VPS45: variants seen among roughly 807,000 people sequenced by gnomAD.
The protein encoded by VPS45 is vacuolar protein sorting-associated protein 45.
In VPS45, 35 loss-of-function variants were observed where a neutral mutation model predicts 75.9. That is an observed-to-expected ratio of 0.46 (90% CI 0.35 to 0.61). The LOEUF (loss-of-function observed/expected upper bound fraction) is 0.61, where lower values mean the gene tolerates loss of function less well. Among genes scored for constraint, VPS45 ranks in the 20% least tolerant of loss-of-function variants. The probability of loss-of-function intolerance (pLI) is 0.00; values close to 1 mark genes in which losing one functional copy is unlikely to be tolerated. For missense variants in VPS45, 559 were observed against 685.9 expected, an observed-to-expected ratio of 0.81 and a Z score of 2.07; for synonymous variants, 220 against 238.2, an observed-to-expected ratio of 0.92 and a Z score of 0.70.
Position 150,126,982 on chromosome 1 carries a change from C to T in VPS45, c.1625+16355C>T, listed in dbSNP as rs151219777. ...AATTCAATGTTATTTAATGCCATGC[C>T]CCAGAACCACCTGATGTCAACTGAT... On this transcript the variant is annotated intron_variant, in intron 14 of 14. Coordinates refer to ENST00000644510, the MANE Select transcript of VPS45 (RefSeq NM_007259.5). 2.7e-3 allele frequency among the ~76,000 whole-genome samples: 415 copies of T among 152,122 alleles called. 1 individual carries two copies. The highest frequency in any genetic ancestry group is 0.027 in the Middle Eastern group (8 of 294).
chr1:150,107,679 C>G (rs940951325), intron 13 of VPS45, among the ~76,000 whole-genome samples: 1 of 152,174 alleles, frequency 6.6e-6, no homozygotes, highest in East Asian at 1.9e-4. Flanking sequence ...TGGCAGATCA[C>G]CTGAGGTCAG....
chr1:150,130,487 A>G (rs1553812116), intron 14 of VPS45, among the ~76,000 whole-genome samples: 1 of 152,114 alleles, frequency 6.6e-6, no homozygotes, highest in African/African-American at 2.4e-5. Flanking sequence ...CCACCACACC[A>G]GGCCTAGCCC....
At chr1:150,109,416 T>A (rs2101606467) in intron 13 of VPS45, 1 of 152,166 alleles carries the variant, frequency 6.6e-6, no homozygotes, top group African/African-American at 2.4e-5. Flanking sequence ...TTCAGTGAAG[T>A]CCCACAAGAA....
chr1:150,070,516 G>A (rs1654994770), intron 2 of VPS45, among the ~76,000 whole-genome samples: 1 of 152,028 alleles, frequency 6.6e-6, no homozygotes, highest in South Asian at 2.1e-4. Context: ...CTTTTGGCCG[G>A]GCGCGGTGGC....
At chr1:150,095,213 A>G (rs1411862926) in intron 13 of VPS45, among the ~76,000 whole-genome samples, 1 of 152,218 alleles carries the variant, frequency 6.6e-6, no homozygotes, top group Non-Finnish European at 1.5e-5. Flanking sequence ...TATCCAGGAA[A>G]TAAATAGGGT....
In VPS45 at chr1:150,144,761, T is replaced by C. The variant is rs1659581910; in HGVS notation, c.1678T>C (p.Ser560Pro). 6.2e-7 allele frequency: 1 copy of C among 1,614,026 alleles called. No individual in the cohort carries two copies. The highest frequency in any genetic ancestry group is 8.5e-7 in the Non-Finnish European group (1 of 1,180,036). ...ACTGCACAGCCGAAGCAAGGAGAGCTCTCAAGTCACATCAAGGTCAGCGAG... is the reference window on the plus strand; with the variant it reads ...ACTGCACAGCCGAAGCAAGGAGAGCCCTCAAGTCACATCAAGGTCAGCGAG... ...SGLHSRSKES[S>P]QVTSRSASRR The change falls in exon 15 of 15, where the codon TCT becomes CCT. Residue 560 changes from serine to proline, a missense_variant. Physicochemically the swap from Ser to Pro is moderately conservative, Grantham distance 74 (BLOSUM62 -1). Coordinates refer to ENST00000644510, the MANE Select transcript of VPS45 (RefSeq NM_007259.5).
rs781815940 is a variant in VPS45 at position 150,078,971 on chromosome 1, C to T, written c.687+1192C>T. ...CTAAAAATACAAAAAATTAGCTGGA[C>T]GTGGTGGCAGATGCCTGTAATCCCA... On this transcript the variant is annotated intron_variant, in intron 7 of 14. Coordinates refer to ENST00000644510, the MANE Select transcript of VPS45 (RefSeq NM_007259.5). 1.5e-4 allele frequency among the ~76,000 whole-genome samples: 23 copies of T among 150,436 alleles called. 1 individual carries two copies. Among genetic ancestry groups the T allele is most frequent in the Admixed American group, 4.0e-4 (6 of 15,084 alleles).
chr1:150,089,614 G>A lies in VPS45; in HGVS notation c.1105-2323G>A, dbSNP rs114227832. 3.8e-3 allele frequency among the ~76,000 whole-genome samples: 582 copies of A among 152,122 alleles called. 5 individuals carry two copies. Among genetic ancestry groups the A allele is most frequent in the African/African-American group, 0.013 (559 of 41,484 alleles). ...TGACCTCAAGTGATCCACCTACCTC[G>A]ACCTCACAAATTGTTGGGATTACAG... On this transcript the variant is annotated intron_variant, in intron 10 of 14. Coordinates refer to ENST00000644510, the MANE Select transcript of VPS45 (RefSeq NM_007259.5).
chr1:150,070,646 A>AAAC (rs1462662196), intron 2 of VPS45, among the ~76,000 whole-genome samples: 4 of 148,086 alleles, frequency 2.7e-5, no homozygotes, highest in African/African-American at 9.9e-5. Flanking sequence ...CAAAAAAAAA[A>AAAC]AACAACAAAA....
At chr1:150,131,275 G>A (rs938920143) in intron 14 of VPS45, among the ~76,000 whole-genome samples, 18 of 152,272 alleles carry the variant, frequency 1.2e-4, no homozygotes, top group African/African-American at 4.3e-4. Context: ...TTGGGAAGCC[G>A]AGGCAGGTGG....
intron 13 of VPS45, among the ~76,000 whole-genome samples, chr1:150,101,288 C>G (rs1553804236): frequency 7.3e-6 from 1 of 136,826 alleles, no homozygotes; most frequent in Non-Finnish European, 1.6e-5. Flanking sequence ...AAAAAGTGGG[C>G]AAAGGACATG....
At chr1:150,097,938 C>T (rs1164401902) in intron 13 of VPS45, among the ~76,000 whole-genome samples, 1 of 152,086 alleles carries the variant, frequency 6.6e-6, no homozygotes, top group African/African-American at 2.4e-5. Context: ...CTGCAGCCTC[C>T]ACCTTTTGGG....
At chr1:150,071,860 A>C (rs1345283270) in intron 2 of VPS45, among the ~76,000 whole-genome samples, 1 of 152,018 alleles carries the variant, frequency 6.6e-6, no homozygotes, top group Non-Finnish European at 1.5e-5. Context: ...AGTTTGCAGA[A>C]TTATAATCAA....
At chr1:150,128,584 T>C (rs986056901) in intron 14 of VPS45, among the ~76,000 whole-genome samples, 5 of 152,198 alleles carry the variant, frequency 3.3e-5, no homozygotes, top group African/African-American at 4.8e-5. Context: ...GACCTTCTCC[T>C]GTAACCACCA....
chr1:150,093,701 A>C, intron 13 of VPS45, 53 bp downstream of exon 13: 1 of 1,578,854 alleles, frequency 6.3e-7, no homozygotes, highest in East Asian at 2.2e-5. Context: ...AACAAACAGA[A>C]AATTTAGAGT....
At chr1:150,135,580 A>T (rs587677427) in intron 14 of VPS45, among the ~76,000 whole-genome samples, 92 of 150,968 alleles carry the variant, frequency 6.1e-4, no homozygotes, top group Non-Finnish European at 1.1e-3. Flanking sequence ...ATGCATTTTT[A>T]AAACAAAATA....
Position 150,144,868 on chromosome 1 carries a change from G to T in VPS45, c.*72G>T. 1 of 1,605,484 alleles carries T rather than the reference G, an allele frequency of 6.2e-7. No homozygotes were observed. On this transcript the variant is annotated 3_prime_UTR_variant, in exon 15 of 15. Transcript: ENST00000644510. Reference sequence around the variant, plus strand: ...CAGGTTTTCCCTACTAAACAAAGGTGTTGGAGAGCAGCTTTGGGTTCTGTG... The same window carrying T: ...CAGGTTTTCCCTACTAAACAAAGGTTTTGGAGAGCAGCTTTGGGTTCTGTG...
chr1:150,130,948 G>C (rs1247877411), intron 14 of VPS45, among the ~76,000 whole-genome samples: 1 of 152,076 alleles, frequency 6.6e-6, no homozygotes, highest in Non-Finnish European at 1.5e-5. Flanking sequence ...TAGGAACATA[G>C]AGAAATTAAG....
chr1:150,069,687 A>G (rs782082539), intron 2 of VPS45, among the ~76,000 whole-genome samples: 3 of 152,100 alleles, frequency 2.0e-5, no homozygotes, highest in Non-Finnish European at 4.4e-5. Flanking sequence ...TGATCTCCTG[A>G]CCTCATGATC....
Sources: gnomAD v4.1 joint callset for allele counts (sites outside exome capture counted in the v4.1 genomes callset) on GRCh38, gnomAD v4.1.1 for gene constraint, MANE v1.5 for transcripts, NCBI Gene and HGNC (gene_info 2026-07-23, HGNC 2026-07-21) for gene names.